The following CDH12 variants were observed in gnomAD, a reference collection of about 807,000 sequenced individuals.
CDH12 encodes the protein cadherin-12.
Under a neutral mutation model 74.1 loss-of-function variants are expected in CDH12, and 41 were observed. The observed-to-expected ratio is 0.55, with a 90% CI of 0.43 to 0.72. The LOEUF (loss-of-function observed/expected upper bound fraction) is 0.72. Among genes scored for constraint, CDH12 ranks in the 30% least tolerant of loss-of-function variants. CDH12 has a pLI of 0.00. For missense variants in CDH12, 945 were observed against 977.2 expected, an observed-to-expected ratio of 0.97 and a Z score of 0.44; for synonymous variants, 399 against 355.0, an observed-to-expected ratio of 1.12 and a Z score of -1.39.
chr5:22,236,639 T>C (rs1000921384), intron 3 of CDH12, among the ~76,000 whole-genome samples: 4 of 152,022 alleles, frequency 2.6e-5, no homozygotes, highest in African/African-American at 9.7e-5. Flanking sequence ...CCCAACTACT[T>C]GGGAGGCTGA....
intron 4 of CDH12, among the ~76,000 whole-genome samples, chr5:22,173,407 T>A (rs889130875): frequency 1.7e-5 from 2 of 118,694 alleles, no homozygotes; most frequent in African/African-American, 5.3e-5. Context: ...TAATAAATAT[T>A]AATAAATATT....
intron 4 of CDH12, among the ~76,000 whole-genome samples, chr5:22,102,631 C>T (rs1744199862): frequency 6.6e-6 from 1 of 151,948 alleles, no homozygotes; most frequent in South Asian, 2.1e-4. Flanking sequence ...CACTGCATTC[C>T]AGCCTGGGGG....
intron 11 of CDH12, among the ~76,000 whole-genome samples, chr5:21,768,161 T>C (rs190997674): frequency 6.6e-6 from 1 of 151,924 alleles, no homozygotes; most frequent in Non-Finnish European, 1.5e-5. Context: ...CACAATTAAG[T>C]GTTAAGTTCC....
intron 1 of CDH12, among the ~76,000 whole-genome samples, chr5:22,720,276 G>A (rs1743810834): frequency 6.6e-6 from 1 of 152,034 alleles, no homozygotes; most frequent in Admixed American, 6.5e-5. Context: ...AATATCCGAT[G>A]GTTTTTTAAG....
chr5:22,847,462 T>A (rs544949849), intron 1 of CDH12, among the ~76,000 whole-genome samples: 65 of 152,288 alleles, frequency 4.3e-4, no homozygotes, highest in Admixed American at 1.3e-3. Flanking sequence ...CATTCTTTAC[T>A]CAGAAATCGT....
intron 3 of CDH12, among the ~76,000 whole-genome samples, chr5:22,310,133 G>A (rs2920755): frequency 0.98 from 149,010 of 151,894 alleles, 73,159 homozygotes; most frequent in East Asian, 1. Context: ...CATGTACCCC[G>A]GAACTTAAAG....
chr5:22,306,807 TA>T (rs1738136632), intron 3 of CDH12, among the ~76,000 whole-genome samples: 1 of 152,174 alleles, frequency 6.6e-6, no homozygotes, highest in Admixed American at 6.5e-5. Context: ...ATATTAGGAA[TA>T]AAATGGAGAG....
chr5:22,635,044 C>T (rs1232293634), intron 1 of CDH12, among the ~76,000 whole-genome samples: 2 of 151,790 alleles, frequency 1.3e-5, no homozygotes, highest in Non-Finnish European at 2.9e-5. Context: ...TAGACAAAAC[C>T]TCTTGAGAAG....
chr5:22,776,299 CTTATG>C (rs1425048908), intron 1 of CDH12, among the ~76,000 whole-genome samples: 2 of 152,114 alleles, frequency 1.3e-5, no homozygotes, highest in African/African-American at 4.8e-5. Flanking sequence ...TTTTTGATCA[CTTATG>C]TTATTTAATA....
At chr5:22,072,850 T>C (rs1481629510) in intron 5 of CDH12, among the ~76,000 whole-genome samples, 1 of 152,024 alleles carries the variant, frequency 6.6e-6, no homozygotes, top group Non-Finnish European at 1.5e-5. Context: ...CTTAAGAGCC[T>C]GGCAGGATAA....
chr5:22,622,599 A>G (rs143606261), intron 1 of CDH12, among the ~76,000 whole-genome samples: 9,982 of 152,258 alleles, frequency 0.066, 429 homozygotes, highest in East Asian at 0.24. Flanking sequence ...CTGGACACAT[A>G]CACCCTCCCA....
intron 1 of CDH12, among the ~76,000 whole-genome samples, chr5:22,527,848 A>T: frequency 6.6e-6 from 1 of 152,170 alleles, no homozygotes; most frequent in East Asian, 1.9e-4. Flanking sequence ...TTAGCCAAAC[A>T]ACCAAATAGA....
chr5:22,154,584 TG>T, intron 4 of CDH12, among the ~76,000 whole-genome samples: 1 of 147,868 alleles, frequency 6.8e-6, no homozygotes, highest in East Asian at 2.0e-4. Flanking sequence ...TATATGTATA[TG>T]TGTACACATA....
At chr5:22,256,697 A>T (rs536479523) in intron 3 of CDH12, among the ~76,000 whole-genome samples, 1 of 152,256 alleles carries the variant, frequency 6.6e-6, no homozygotes, top group East Asian at 1.9e-4. Flanking sequence ...TGGTGGTGGA[A>T]GATAATGATA....
chr5:22,119,632 T>C (rs997285901), intron 4 of CDH12, among the ~76,000 whole-genome samples: 9 of 152,082 alleles, frequency 5.9e-5, no homozygotes, highest in Admixed American at 5.2e-4. Context: ...AGGGTTGACA[T>C]TTAAGTATAT....
intron 3 of CDH12, among the ~76,000 whole-genome samples, chr5:22,367,879 A>G (rs1448012155): frequency 6.6e-6 from 1 of 152,202 alleles, no homozygotes; most frequent in East Asian, 1.9e-4. Flanking sequence ...AACCATATCC[A>G]TAAAAATAAA....
At chr5:22,342,836 T>TTCTG (rs376667284) in intron 3 of CDH12, among the ~76,000 whole-genome samples, 3,653 of 148,188 alleles carry the variant, frequency 0.025, 71 homozygotes, top group African/African-American at 0.059. Context: ...CTGTCTCTCT[T>TTCTG]TCTGTCTGTC....
chr5:22,748,286 T>G (rs1745391434), intron 1 of CDH12, among the ~76,000 whole-genome samples: 1 of 152,138 alleles, frequency 6.6e-6, no homozygotes. Flanking sequence ...ACTTTAATAT[T>G]GGAAGTGGTT....
intron 6 of CDH12, among the ~76,000 whole-genome samples, chr5:21,879,279 A>T (rs1752115400): frequency 6.7e-6 from 1 of 149,292 alleles, no homozygotes; most frequent in Non-Finnish European, 1.5e-5. Context: ...ATAGGATAAC[A>T]GTTTATCTAT....
Sources: gnomAD v4.1 joint callset for allele counts (sites outside exome capture counted in the v4.1 genomes callset) on GRCh38, gnomAD v4.1.1 for gene constraint, MANE v1.5 for transcripts, NCBI Gene and HGNC (gene_info 2026-07-23, HGNC 2026-07-21) for gene names.